MMP26: variants seen among roughly 807,000 people sequenced by gnomAD.
MMP26 encodes the protein matrix metallopeptidase 26, also known as matrix metalloproteinase-26.
Under a neutral mutation model 31.0 loss-of-function variants are expected in MMP26, and 33 were observed. That is an observed-to-expected ratio of 1.06 (90% CI 0.81 to 1.42). The LOEUF is 1.42. MMP26 is among the 40% of genes most tolerant of loss of function. The pLI is 0.00. For synonymous variants in MMP26, 122 were observed against 114.9 expected (o/e 1.06, Z -0.40); for missense variants, 347 against 316.1 (o/e 1.10, Z -0.74).
chr11:4,783,826 G>A (rs1339998239), intron 2 of MMP26, among the ~76,000 whole-genome samples: 5 of 152,108 alleles, frequency 3.3e-5, no homozygotes, highest in Non-Finnish European at 7.4e-5. Context: ...GTTTCTCTTG[G>A]CGCTCATTCT....
intron 1 of MMP26, among the ~76,000 whole-genome samples, chr11:4,745,528 C>T (rs553293190): frequency 1.3e-5 from 2 of 152,322 alleles, no homozygotes; most frequent in East Asian, 1.9e-4. Flanking sequence ...GCCACATGCA[C>T]ATCCTACCCC....
intron 2 of MMP26, chr11:4,882,096 C>T (rs1365994732): frequency 1.2e-6 from 2 of 1,613,844 alleles, no homozygotes; most frequent in Non-Finnish European, 1.7e-6. Context: ...TATTTCCTCT[C>T]CATGCTGGCA....
Position 4,988,305 on chromosome 11 carries a change from G to T in MMP26, c.94G>T (p.Val32Phe). ...TGCAGACCATAAAGGATGGGACTTTGTTGAGGTAGGTGAACGACTCAGGAC... is the reference window on the plus strand; with the variant it reads ...TGCAGACCATAAAGGATGGGACTTTTTTGAGGTAGGTGAACGACTCAGGAC... The part of the protein sequence containing the change: ...PAADHKGWDF[V>F]EGYFHQFFLT... Residue 32 changes from valine to phenylalanine, a missense_variant, in exon 3 of 8, where the codon GTT becomes TTT. Transcript: ENST00000380390. 6.2e-7 allele frequency: 1 copy of T among 1,613,852 alleles called. No homozygotes were observed. Among genetic ancestry groups the T allele is most frequent in the Non-Finnish European group, 8.5e-7 (1 of 1,179,794 alleles).
chr11:4,790,395 A>T (rs1849009857), intron 2 of MMP26, among the ~76,000 whole-genome samples: 1 of 152,172 alleles, frequency 6.6e-6, no homozygotes, highest in South Asian at 2.1e-4. Context: ...GTTTCATTTC[A>T]GATTTTGAGG....
At chr11:4,831,755 G>A (rs1053043481) in intron 2 of MMP26, among the ~76,000 whole-genome samples, 26 of 152,126 alleles carry the variant, frequency 1.7e-4, no homozygotes, top group African/African-American at 2.7e-4. Flanking sequence ...GACCACATGC[G>A]TGATAGTAGA....
chr11:4,953,262 G>C lies in MMP26; in HGVS notation c.-144-34806G>C, dbSNP rs1468820704. On this transcript the variant is annotated intron_variant, in intron 2 of 7. Transcript: ENST00000380390. Reference sequence around the variant, plus strand: ...AGAGAGCAAGTTTTTCTACAAACATGGTCTTATTTTTAAAATCATTCATTA... The same window carrying C: ...AGAGAGCAAGTTTTTCTACAAACATCGTCTTATTTTTAAAATCATTCATTA... Among the ~76,000 whole-genome samples, 12 of 124,392 alleles carry C rather than the reference G, an allele frequency of 9.6e-5. 5 individuals are homozygous for C. Among genetic ancestry groups the C allele is most frequent in the Admixed American group, 2.7e-4 (3 of 11,228 alleles). The allele number at this position is 124,392 out of a possible 152,430, so 81.6% of individuals were successfully genotyped here. A position where few individuals can be genotyped will look rare whatever the true frequency, so the allele number is the denominator to read the frequency against.
intron 2 of MMP26, among the ~76,000 whole-genome samples, chr11:4,797,126 A>G (rs1849117993): frequency 6.6e-6 from 1 of 152,204 alleles, no homozygotes; most frequent in Non-Finnish European, 1.5e-5. Context: ...AGTGCTGGGC[A>G]TACAGCAATA....
intron 2 of MMP26, among the ~76,000 whole-genome samples, chr11:4,916,350 C>T (rs1851091219): frequency 6.6e-6 from 1 of 151,778 alleles, no homozygotes; most frequent in South Asian, 2.1e-4. Context: ...CCTCATTATT[C>T]CTCTTGGCCC....
At chr11:4,868,737 CA>C (rs1174905069) in intron 2 of MMP26, among the ~76,000 whole-genome samples, 1 of 151,984 alleles carries the variant, frequency 6.6e-6, no homozygotes, top group South Asian at 2.1e-4. Flanking sequence ...CATATGGAAC[CA>C]AAAAAGAGCC....
chr11:4,822,173 C>G, intron 2 of MMP26: 6 of 1,608,874 alleles, frequency 3.7e-6, no homozygotes, highest in Non-Finnish European at 5.1e-6. Flanking sequence ...AGTGCTGTTT[C>G]CATCTTCTAC....
intron 2 of MMP26, among the ~76,000 whole-genome samples, chr11:4,869,520 G>A (rs1257561193): frequency 2.6e-5 from 4 of 152,098 alleles, no homozygotes; most frequent in Non-Finnish European, 1.5e-5. Flanking sequence ...ACAGTGAGAT[G>A]CCATCTCACA....
At chr11:4,737,396 C>T (rs1381629940) in intron 1 of MMP26, among the ~76,000 whole-genome samples, 1 of 152,174 alleles carries the variant, frequency 6.6e-6, no homozygotes, top group Non-Finnish European at 1.5e-5. Flanking sequence ...GTAATCCCAG[C>T]ACTTTGGGAG....
intron 2 of MMP26, among the ~76,000 whole-genome samples, chr11:4,833,969 A>G (rs1486579500): frequency 6.6e-6 from 1 of 152,156 alleles, no homozygotes; most frequent in African/African-American, 2.4e-5. Context: ...TCTCCTGACA[A>G]CAAAGTACTC....
chr11:4,925,639 A>T (rs779528720), intron 2 of MMP26, among the ~76,000 whole-genome samples: 7 of 152,122 alleles, frequency 4.6e-5, no homozygotes, highest in Non-Finnish European at 8.8e-5. Flanking sequence ...CAGTTCATAA[A>T]ACTGATAACT....
intron 2 of MMP26, among the ~76,000 whole-genome samples, chr11:4,792,946 T>C (rs564747832): frequency 6.6e-6 from 1 of 152,312 alleles, no homozygotes; most frequent in East Asian, 1.9e-4. Context: ...GAGCATATTC[T>C]CTTACGTTTG....
intron 1 of MMP26, among the ~76,000 whole-genome samples, chr11:4,708,070 T>G (rs1847805453): frequency 6.6e-6 from 1 of 152,180 alleles, no homozygotes; most frequent in Non-Finnish European, 1.5e-5. Context: ...GACATTAGTT[T>G]CACAACTCTC....
intron 2 of MMP26, among the ~76,000 whole-genome samples, chr11:4,861,383 A>T (rs932062414): frequency 6.6e-6 from 1 of 151,004 alleles, no homozygotes; most frequent in Non-Finnish European, 1.5e-5. Context: ...GGTACTCTAT[A>T]TATATACATA....
chr11:4,715,999 G>T (rs958116382), intron 1 of MMP26, among the ~76,000 whole-genome samples: 1 of 152,194 alleles, frequency 6.6e-6, no homozygotes, highest in South Asian at 2.1e-4. Flanking sequence ...CTCGAAGGAG[G>T]TTCTACTGCT....
chr11:4,804,673 G>A (rs921442816), intron 2 of MMP26: 2 of 477,218 alleles, frequency 4.2e-6, no homozygotes, highest in Non-Finnish European at 8.3e-6. Context: ...GACCAGGTGT[G>A]GTGGCTTACA....
Sources: gnomAD v4.1 joint callset for allele counts (sites outside exome capture counted in the v4.1 genomes callset) on GRCh38, gnomAD v4.1.1 for gene constraint, MANE v1.5 for transcripts, NCBI Gene and HGNC (gene_info 2026-07-23, HGNC 2026-07-21) for gene names.